The following SENP5 variants were observed in gnomAD, a reference collection of about 807,000 sequenced individuals.
The protein encoded by SENP5 is sentrin-specific protease 5.
In SENP5, 21 loss-of-function variants were observed where a neutral mutation model predicts 74.2. The ratio of observed to expected loss-of-function variants is 0.28; its 90% CI spans 0.20 to 0.41. The LOEUF (loss-of-function observed/expected upper bound fraction) is 0.41, where lower values mean the gene tolerates loss of function less well. SENP5 is among the 10% of genes least tolerant of loss of function. SENP5 has a pLI of 1.00. For missense variants in SENP5, 717 were observed against 889.1 expected (o/e 0.81, Z 2.46); for synonymous variants, 311 against 312.7 (o/e 0.99, Z 0.06).
chr3:196,878,852 A>G (rs1192057087), intron 1 of SENP5, among the ~76,000 whole-genome samples: 3 of 152,162 alleles, frequency 2.0e-5, no homozygotes, highest in African/African-American at 4.8e-5. Flanking sequence ...TCGGCCTCCC[A>G]AAGTGCTGGT....
chr3:196,920,945 G>A (rs183811650), intron 6 of SENP5, among the ~76,000 whole-genome samples: 1 of 152,192 alleles, frequency 6.6e-6, no homozygotes, highest in South Asian at 2.1e-4. Context: ...GGGCAGAGAA[G>A]TCACATGGCA....
intron 2 of SENP5, among the ~76,000 whole-genome samples, chr3:196,888,142 CA>C (rs1267752885): frequency 2.0e-5 from 3 of 152,114 alleles, no homozygotes; most frequent in Non-Finnish European, 2.9e-5. Context: ...CTTCTCTTGT[CA>C]AAAATCTATC....
At chr3:196,872,525 A>G (rs943406307) in intron 1 of SENP5, among the ~76,000 whole-genome samples, 1 of 152,026 alleles carries the variant, frequency 6.6e-6, no homozygotes, top group Non-Finnish European at 1.5e-5. Context: ...TAACTCAACT[A>G]TTTTCAGTAA....
intron 6 of SENP5, among the ~76,000 whole-genome samples, chr3:196,912,209 TGGTACATAC>T (rs1249128755): frequency 6.6e-6 from 1 of 152,310 alleles, no homozygotes; most frequent in Admixed American, 6.5e-5. Flanking sequence ...AAAGAGAATG[TGGTACATAC>T]GCACCATGGA....
At chr3:196,887,658 A>C (rs901118204) in intron 2 of SENP5, among the ~76,000 whole-genome samples, 6 of 152,144 alleles carry the variant, frequency 3.9e-5, no homozygotes, top group Admixed American at 3.9e-4. Context: ...TATAAATGTC[A>C]TAAGAATGGT....
chr3:196,894,124 T>C (rs1037763137), intron 2 of SENP5, among the ~76,000 whole-genome samples: 1 of 147,748 alleles, frequency 6.8e-6, no homozygotes, highest in African/African-American at 2.5e-5. Context: ...TGGTTTTTTT[T>C]TTTTTTTTTT....
intron 1 of SENP5, among the ~76,000 whole-genome samples, chr3:196,881,729 TA>T (rs1713732455): frequency 6.6e-6 from 1 of 152,010 alleles, no homozygotes; most frequent in Non-Finnish European, 1.5e-5. Flanking sequence ...GTTCATTTAT[TA>T]TTTTTTTTAA....
At position 196,933,249 on chromosome 3, in the gene SENP5, C is replaced by G. The variant is rs999683791; in HGVS notation, c.*2326C>G. ...CAGGCTGGTCTTGAACTCCTGACCT[C>G]AAGTGATCTGCCCGCCTGGGCCTCC... On this transcript the variant is annotated 3_prime_UTR_variant, in exon 10 of 10. Transcript: ENST00000323460. The G allele has an allele frequency of 1.3e-5, 2 of 152,048 alleles. No individual in the cohort carries two copies. Among genetic ancestry groups the G allele is most frequent in the African/African-American group, 4.8e-5 (2 of 41,390 alleles). 9.4% of individuals were successfully genotyped at this position (152,048 alleles called of 1,614,324 possible).
chr3:196,927,715 C>T (rs554723925), intron 7 of SENP5, 81 bp from the exon 8 acceptor site: 3 of 765,992 alleles, frequency 3.9e-6, no homozygotes, highest in Non-Finnish European at 6.8e-6. Flanking sequence ...CTCCTCCTTT[C>T]CTTCTGTCTG....
chr3:196,898,715 C>G (rs1714558947), intron 2 of SENP5, among the ~76,000 whole-genome samples: 1 of 152,048 alleles, frequency 6.6e-6, no homozygotes. Flanking sequence ...GAGATCAAGA[C>G]CACCCTGGCT....
At chr3:196,880,605 A>T in intron 1 of SENP5, among the ~76,000 whole-genome samples, 1 of 144,984 alleles carries the variant, frequency 6.9e-6, no homozygotes, top group African/African-American at 2.5e-5. Context: ...CAGGACTTTG[A>T]CTGATGTGAT....
chr3:196,875,044 G>A (rs1027614903), intron 1 of SENP5, among the ~76,000 whole-genome samples: 21 of 152,098 alleles, frequency 1.4e-4, no homozygotes, highest in African/African-American at 3.9e-4. Flanking sequence ...TTCTTGAACT[G>A]TATATCTAGC....
intron 6 of SENP5, among the ~76,000 whole-genome samples, chr3:196,917,530 A>G (rs1308465370): frequency 6.6e-6 from 1 of 152,170 alleles, no homozygotes; most frequent in Non-Finnish European, 1.5e-5. Flanking sequence ...TCAAACTCCC[A>G]AAGGTTGAGG....
intron 8 of SENP5, 23 bp from the exon 9 acceptor site, chr3:196,929,610 G>A (rs772423770): frequency 6.7e-7 from 1 of 1,482,716 alleles, no homozygotes; most frequent in Non-Finnish European, 9.3e-7. Flanking sequence ...TTGTTTTAAT[G>A]ACTATTTTGT....
At chr3:196,918,173 G>T (rs985880392) in intron 6 of SENP5, among the ~76,000 whole-genome samples, 1 of 151,878 alleles carries the variant, frequency 6.6e-6, no homozygotes, top group African/African-American at 2.4e-5. Context: ...CGGGCGCGGT[G>T]GCGGGCGCCT....
chr3:196,926,241 T>C (rs1715805933), intron 7 of SENP5, among the ~76,000 whole-genome samples: 1 of 152,248 alleles, frequency 6.6e-6, no homozygotes, highest in South Asian at 2.1e-4. Context: ...CCCAGCACTT[T>C]GGGAGGCTGA....
At position 196,886,047 on chromosome 3, in the gene SENP5, G is replaced by A. The variant is rs1466549551; in HGVS notation, c.866G>A (p.Ser289Asn). The A allele has an allele frequency of 1.9e-6, 3 of 1,614,186 alleles. No individual in the cohort carries two copies. Among genetic ancestry groups the A allele is most frequent in the Non-Finnish European group, 1.7e-6 (2 of 1,180,026 alleles). ...RRENGEGGSC[S>N]PFPSPEPKDP... ...GAGAACGGTGAGGGTGGCAGTTGCA[G>A]CCCATTTCCTTCCCCAGAACCTAAA... Residue 289 changes from serine to asparagine, a missense_variant, in exon 2 of 10, where the codon AGC (serine) becomes AAC (asparagine). Ser to Asn is a conservative substitution (Grantham distance 46). Transcript: ENST00000323460.
chr3:196,874,867 G>C (rs62410813), intron 1 of SENP5, among the ~76,000 whole-genome samples: 1 of 150,934 alleles, frequency 6.6e-6, no homozygotes, highest in Non-Finnish European at 1.5e-5. Context: ...CAACAAGAGT[G>C]GGAAAAAAAA....
intron 7 of SENP5, among the ~76,000 whole-genome samples, chr3:196,924,319 G>C (rs1715732778): frequency 6.6e-6 from 1 of 152,150 alleles, no homozygotes; most frequent in African/African-American, 2.4e-5. Flanking sequence ...AACAGACTTG[G>C]AGAAAATATG....
Sources: allele counts gnomAD v4.1 joint callset (sites outside exome capture counted in the v4.1 genomes callset), GRCh38; gene constraint gnomAD v4.1.1; transcripts MANE v1.5; gene names NCBI Gene and HGNC (gene_info 2026-07-23, HGNC 2026-07-21).